Variants in AXDND1 observed in about 807,000 individuals in gnomAD.
AXDND1 encodes the protein axonemal dynein light chain domain containing 1.
In AXDND1, 110 loss-of-function variants were observed where a neutral mutation model predicts 137.5. The ratio of observed to expected loss-of-function variants is 0.80; its 90% CI spans 0.69 to 0.94. The LOEUF (loss-of-function observed/expected upper bound fraction) is 0.94. Among genes scored for constraint, AXDND1 ranks in the 40% least tolerant of loss-of-function variants. The pLI is 0.00. For synonymous variants in AXDND1, 414 were observed against 399.7 expected, an observed-to-expected ratio of 1.04 and a Z score of -0.43; for missense variants, 1,191 against 1,169.8, an observed-to-expected ratio of 1.02 and a Z score of -0.26.
Position 179,533,764 on chromosome 1 carries a change from G to T in AXDND1, c.2716-31G>T, listed in dbSNP as rs759913384. The T allele has an allele frequency of 4.6e-6, 7 of 1,508,252 alleles. No homozygotes were observed. In the East Asian group the frequency reaches 1.1e-4, roughly 24 times the overall value. 93.4% of individuals were successfully genotyped at this position (1,508,252 alleles called of 1,614,324 possible). A position where few individuals can be genotyped will look rare whatever the true frequency, so the allele number is the denominator to read the frequency against. ...AGAATACTAATTGTTGAGACTGTCA[G>T]TTCATTCATATCTCATATTTCCTCT... On this transcript the variant is annotated intron_variant, in intron 23 of 25. Transcript: ENST00000367618.
rs775979826 is a variant in AXDND1, at chr1:179,429,635, C to T, written c.1332+16C>T. The T allele has an allele frequency of 1.5e-5, 22 of 1,474,290 alleles. No homozygotes were observed. Among genetic ancestry groups the T allele is most frequent in the Admixed American group, 1.2e-4 (5 of 41,704 alleles). 91.3% of individuals were successfully genotyped at this position (1,474,290 alleles called of 1,614,324 possible). On this transcript the variant is annotated intron_variant, in intron 13 of 25. Transcript: ENST00000367618. ...ATCAAACAAGGTAAAGGTCAATTAT[C>T]TTCAGTTATGGGAAAAAAAGATGCC...
At chr1:179,547,355 G>A (rs757664226) in intron 25 of AXDND1, among the ~76,000 whole-genome samples, 1 of 152,194 alleles carries the variant, frequency 6.6e-6, no homozygotes, top group Non-Finnish European at 1.5e-5. Context: ...AGCCAGGTCT[G>A]CCACAGCCTC....
rs1671599863 is a variant in AXDND1, at chr1:179,536,844, G to T, written c.3031+1882G>T. On this transcript the variant is annotated intron_variant, in intron 25 of 25. Coordinates refer to ENST00000367618, the MANE Select transcript of AXDND1 (RefSeq NM_144696.6). ...CGATATTGATTCTTCCTATCCATGA[G>T]CATGGAATGTTCTTCCATTTGTTTG... Among the ~76,000 whole-genome samples, 3 of 152,332 alleles carry T rather than the reference G, an allele frequency of 2.0e-5. No homozygotes were observed. In the South Asian group the frequency reaches 6.2e-4, roughly 32 times the overall value.
intron 17 of AXDND1, among the ~76,000 whole-genome samples, chr1:179,473,998 C>T (rs958710608): frequency 3.3e-5 from 5 of 151,952 alleles, no homozygotes; most frequent in South Asian, 2.1e-4. Flanking sequence ...CCAACGTGGG[C>T]GGATCACCTG....
At chr1:179,491,451 G>T (rs867791471) in intron 18 of AXDND1, 87 bp from the exon 19 acceptor site, 3 of 906,202 alleles carry the variant, frequency 3.3e-6, no homozygotes, top group African/African-American at 3.4e-5. Context: ...ACACAGGCAC[G>T]ATCATTTCTA....
chr1:179,376,962 C>T (rs949113493), intron 4 of AXDND1, among the ~76,000 whole-genome samples: 4 of 151,990 alleles, frequency 2.6e-5, no homozygotes, highest in South Asian at 2.1e-4. Flanking sequence ...GATGGAGTCT[C>T]ACTCTGTCAC....
intron 18 of AXDND1, among the ~76,000 whole-genome samples, chr1:179,486,499 A>T (rs1162492443): frequency 8.0e-6 from 1 of 125,724 alleles, no homozygotes; most frequent in African/African-American, 3.5e-5. Flanking sequence ...AATACTACAA[A>T]ATAAGACCAT....
At chr1:179,403,404 A>G (rs58135462) in intron 11 of AXDND1, among the ~76,000 whole-genome samples, 50,267 of 152,006 alleles carry the variant, frequency 0.33, 8,758 homozygotes, top group Middle Eastern at 0.43. Flanking sequence ...TCTTGGTTGT[A>G]CTTTCAGCAT....
chr1:179,481,104 G>A (rs1156901259), intron 17 of AXDND1, among the ~76,000 whole-genome samples: 1 of 151,796 alleles, frequency 6.6e-6, no homozygotes, highest in Non-Finnish European at 1.5e-5. Flanking sequence ...ATTTATATTA[G>A]GTATATCTCC....
chr1:179,380,351 T>G (rs952349736), intron 6 of AXDND1, among the ~76,000 whole-genome samples: 1 of 152,194 alleles, frequency 6.6e-6, no homozygotes, highest in Admixed American at 6.5e-5. Context: ...ATTATTCATA[T>G]TTTTTCCTGC....
chr1:179,458,002 C>CTT (rs1237958715), intron 16 of AXDND1, among the ~76,000 whole-genome samples: 1 of 105,710 alleles, frequency 9.5e-6, no homozygotes, highest in Non-Finnish European at 2.0e-5. Context: ...TTTTTTTTTT[C>CTT]TTTTTTTGAG....
chr1:179,453,146 GC>G (rs1394324664), intron 16 of AXDND1: 1 of 152,274 alleles, frequency 6.6e-6, no homozygotes. Context: ...ACGCCTGGAT[GC>G]CCAGGCAGAA....
chr1:179,431,705 A>G (rs1333212555), intron 14 of AXDND1, among the ~76,000 whole-genome samples: 2 of 151,964 alleles, frequency 1.3e-5, no homozygotes, highest in Non-Finnish European at 2.9e-5. Context: ...TGAAGCTGGT[A>G]TGTCTCCAAG....
chr1:179,457,048 T>C, intron 16 of AXDND1: 2 of 1,473,204 alleles, frequency 1.4e-6, no homozygotes, highest in Non-Finnish European at 1.9e-6. Context: ...CACCTGGTCT[T>C]TGAGAATCTT....
At chr1:179,395,847 T>C (rs1372334204) in intron 11 of AXDND1, among the ~76,000 whole-genome samples, 1 of 152,122 alleles carries the variant, frequency 6.6e-6, no homozygotes, top group Non-Finnish European at 1.5e-5. Flanking sequence ...CACACCCCAT[T>C]TTTAGGAAAC....
At chr1:179,546,552 A>G (rs1672664905) in intron 25 of AXDND1, among the ~76,000 whole-genome samples, 1 of 152,090 alleles carries the variant, frequency 6.6e-6, no homozygotes, top group Non-Finnish European at 1.5e-5. Context: ...GTGCTTGCAT[A>G]TGGGAGACTA....
chr1:179,368,840 T>G lies in AXDND1; in HGVS notation c.138T>G (p.Arg46=), dbSNP rs1667735977. 1 of 1,613,824 alleles carries G rather than the reference T, an allele frequency of 6.2e-7. No individual in the cohort carries two copies. The highest frequency in any genetic ancestry group is 1.3e-5 in the African/African-American group (1 of 74,920). The change falls in exon 3 of 26, where the codon CGT becomes CGG. Residue 46 remains arginine (R), a synonymous_variant. Coordinates refer to ENST00000367618, the MANE Select transcript of AXDND1 (RefSeq NM_144696.6). ...AGGAGAAAAAAAATATGGTGGATCG[T>G]TCAAAACTCCTTCCTACTTCCCTTC... is the stretch of plus-strand genomic sequence containing the variant. The part of the protein sequence containing the change: ...ELKEKKNMVD[R]SKLLPTSLQN...
intron 16 of AXDND1, among the ~76,000 whole-genome samples, chr1:179,467,530 A>G (rs1197416605): frequency 6.6e-6 from 1 of 152,218 alleles, no homozygotes; most frequent in African/African-American, 2.4e-5. Flanking sequence ...GAGGATGTGC[A>G]TAGGTTATAT....
intron 15 of AXDND1, among the ~76,000 whole-genome samples, chr1:179,438,388 A>C (rs4651028): frequency 3.3e-5 from 5 of 151,944 alleles, no homozygotes; most frequent in Non-Finnish European, 5.9e-5. Context: ...TTACCACTTC[A>C]ATTTGTAACT....
Sources: gnomAD v4.1 joint callset for allele counts (sites outside exome capture counted in the v4.1 genomes callset) on GRCh38, gnomAD v4.1.1 for gene constraint, MANE v1.5 for transcripts, NCBI Gene and HGNC (gene_info 2026-07-23, HGNC 2026-07-21) for gene names.